Variants in CNTNAP2 observed in about 807,000 individuals in gnomAD.
CNTNAP2 encodes contactin-associated protein-like 2.
Under a neutral mutation model 155.2 loss-of-function variants are expected in CNTNAP2, and 98 were observed. The observed-to-expected ratio is 0.63, with a 90% confidence interval of 0.54 to 0.75. The LOEUF is 0.75. Among genes scored for constraint, CNTNAP2 ranks in the 30% least tolerant of loss-of-function variants. CNTNAP2 has a pLI of 0.00. For synonymous variants in CNTNAP2, 651 were observed against 631.2 expected (o/e 1.03, Z -0.47); for missense variants, 1,727 against 1,688.1 (o/e 1.02, Z -0.40).
chr7:146,404,594 G>T (rs768599318), intron 1 of CNTNAP2, among the ~76,000 whole-genome samples: 2 of 152,088 alleles, frequency 1.3e-5, no homozygotes, highest in Non-Finnish European at 2.9e-5. Flanking sequence ...GCCACAATAA[G>T]TTATCCATTG....
intron 13 of CNTNAP2, among the ~76,000 whole-genome samples, chr7:147,893,812 G>T (rs551586037): frequency 6.6e-6 from 1 of 152,316 alleles, no homozygotes; most frequent in Admixed American, 6.5e-5. Context: ...AAGTGATTCT[G>T]TGCGGATTTT....
At chr7:146,158,287 G>A (rs117142695) in intron 1 of CNTNAP2, among the ~76,000 whole-genome samples, 2,900 of 152,284 alleles carry the variant, frequency 0.019, 28 homozygotes, top group Middle Eastern at 0.041. Context: ...ATGGGAAGAA[G>A]CCAGAGCAGG....
At chr7:147,357,117 T>C (rs1262536322) in intron 9 of CNTNAP2, among the ~76,000 whole-genome samples, 2 of 152,162 alleles carry the variant, frequency 1.3e-5, no homozygotes, top group South Asian at 2.1e-4. Flanking sequence ...GCGAATCTTC[T>C]CAAACATTCT....
intron 1 of CNTNAP2, among the ~76,000 whole-genome samples, chr7:146,241,000 G>A (rs1799551266): frequency 6.6e-6 from 1 of 152,180 alleles, no homozygotes; most frequent in African/African-American, 2.4e-5. Context: ...GAAAGAGTAA[G>A]AGTAAGGGAG....
intron 18 of CNTNAP2, among the ~76,000 whole-genome samples, chr7:148,200,377 C>T (rs1795348869): frequency 6.6e-6 from 1 of 151,694 alleles, no homozygotes; most frequent in Admixed American, 6.6e-5. Flanking sequence ...AATGTGGGTC[C>T]CATTACACTT....
chr7:147,088,905 C>T (rs915603004), intron 4 of CNTNAP2, among the ~76,000 whole-genome samples: 2 of 152,004 alleles, frequency 1.3e-5, no homozygotes, highest in Admixed American at 6.6e-5. Flanking sequence ...GATCATACCA[C>T]TTCAATCCAG....
At chr7:147,896,821 G>T (rs1799784454) in intron 13 of CNTNAP2, among the ~76,000 whole-genome samples, 1 of 152,198 alleles carries the variant, frequency 6.6e-6, no homozygotes, top group Non-Finnish European at 1.5e-5. Context: ...CACCAGGCAA[G>T]AAGGAGGTCT....
intron 13 of CNTNAP2, among the ~76,000 whole-genome samples, chr7:147,795,781 C>G (rs886897565): frequency 6.6e-6 from 1 of 152,088 alleles, no homozygotes; most frequent in Non-Finnish European, 1.5e-5. Context: ...TTCATATAAC[C>G]TCTCTTGGAC....
chr7:147,938,114 T>G (rs1800647858), intron 14 of CNTNAP2, among the ~76,000 whole-genome samples: 1 of 152,178 alleles, frequency 6.6e-6, no homozygotes, highest in Non-Finnish European at 1.5e-5. Flanking sequence ...TGACTCGAAT[T>G]TCATTTTATT....
chr7:148,330,811 A>AT (rs772108704), intron 21 of CNTNAP2, among the ~76,000 whole-genome samples: 3 of 72,644 alleles, frequency 4.1e-5, no homozygotes, highest in East Asian at 1.2e-3. Context: ...GGATGGATGG[A>AT]GTGGAGTGGA....
At chr7:147,501,844 A>T (rs1798819661) in intron 11 of CNTNAP2, among the ~76,000 whole-genome samples, 1 of 152,242 alleles carries the variant, frequency 6.6e-6, no homozygotes, top group Non-Finnish European at 1.5e-5. Context: ...CCACCAAAAA[A>T]CTATTAGAAT....
intron 3 of CNTNAP2, among the ~76,000 whole-genome samples, chr7:146,939,234 A>T (rs758042598): frequency 6.6e-6 from 1 of 152,140 alleles, no homozygotes; most frequent in African/African-American, 2.4e-5. Context: ...TTCTTGTTCT[A>T]TAGTATGTTT....
At chr7:147,760,612 A>G (rs1031575932) in intron 13 of CNTNAP2, among the ~76,000 whole-genome samples, 2 of 152,132 alleles carry the variant, frequency 1.3e-5, no homozygotes, top group African/African-American at 4.8e-5. Flanking sequence ...CATGTAGATA[A>G]TTTTTCCTGG....
chr7:146,268,708 TTGGAA>T (rs1800032946), intron 1 of CNTNAP2, among the ~76,000 whole-genome samples: 1 of 152,190 alleles, frequency 6.6e-6, no homozygotes, highest in Non-Finnish European at 1.5e-5. Context: ...TAGTTTTTTC[TTGGAA>T]TAGAATTAAG....
At chr7:147,549,811 C>G (rs1182153786) in intron 11 of CNTNAP2, among the ~76,000 whole-genome samples, 2 of 152,138 alleles carry the variant, frequency 1.3e-5, no homozygotes, top group Non-Finnish European at 2.9e-5. Context: ...ACCATGTCTT[C>G]TTTTCTTCCC....
intron 14 of CNTNAP2, among the ~76,000 whole-genome samples, chr7:147,917,684 A>T (rs369119011): frequency 4.6e-5 from 7 of 152,310 alleles, no homozygotes; most frequent in African/African-American, 1.4e-4. Flanking sequence ...AAAAATGAGC[A>T]TTCTGTTACC....
chr7:146,361,655 A>C (rs542635766), intron 1 of CNTNAP2, among the ~76,000 whole-genome samples: 2 of 152,244 alleles, frequency 1.3e-5, no homozygotes, highest in African/African-American at 4.8e-5. Flanking sequence ...TGGAGAGTAG[A>C]TTACTCCCAG....
chr7:148,049,574 C>T (rs1000666974), intron 15 of CNTNAP2, among the ~76,000 whole-genome samples: 4 of 152,070 alleles, frequency 2.6e-5, no homozygotes, highest in South Asian at 2.1e-4. Context: ...GACAGTGGAC[C>T]GCACAGATAA....
intron 4 of CNTNAP2, among the ~76,000 whole-genome samples, chr7:147,098,283 A>C (rs1299834155): frequency 2.6e-5 from 4 of 152,180 alleles, no homozygotes; most frequent in African/African-American, 9.7e-5. Context: ...TTAAGTCTTT[A>C]ATCTTCCAAT....
Sources: allele counts gnomAD v4.1 joint callset (sites outside exome capture counted in the v4.1 genomes callset), GRCh38; gene constraint gnomAD v4.1.1; transcripts MANE v1.5; gene names NCBI Gene and HGNC (gene_info 2026-07-23, HGNC 2026-07-21).